Variants in ANKS1B observed in about 807,000 individuals in gnomAD.
ANKS1B encodes the protein ankyrin repeat and sterile alpha motif domain containing 1B, also known as ankyrin repeat and sterile alpha motif domain-containing protein 1B.
In ANKS1B, 36 loss-of-function variants were observed where a neutral mutation model predicts 148.3. That is an observed-to-expected ratio of 0.24 (90% CI 0.19 to 0.32). The LOEUF (loss-of-function observed/expected upper bound fraction) is 0.32. Ranked by LOEUF, ANKS1B falls within the 10% of genes least tolerant of loss-of-function variation. ANKS1B has a pLI of 1.00. For missense variants in ANKS1B, 1,157 were observed against 1,542.6 expected, an observed-to-expected ratio of 0.75 and a Z score of 4.19; for synonymous variants, 542 against 560.8, an observed-to-expected ratio of 0.97 and a Z score of 0.47.
intron 2 of ANKS1B, among the ~76,000 whole-genome samples, chr12:99,815,525 T>A (rs1054330547): frequency 6.6e-6 from 1 of 151,858 alleles, no homozygotes; most frequent in East Asian, 1.9e-4. Flanking sequence ...GGGACACAGG[T>A]GGTTTTTGGT....
intron 17 of ANKS1B, among the ~76,000 whole-genome samples, chr12:98,931,945 T>C (rs1405861127): frequency 6.6e-6 from 1 of 152,180 alleles, no homozygotes; most frequent in Non-Finnish European, 1.5e-5. Flanking sequence ...ACCTGTGCAT[T>C]TGATCTTAAC....
At chr12:99,868,476 A>G (rs2091045250) in intron 1 of ANKS1B, among the ~76,000 whole-genome samples, 1 of 152,196 alleles carries the variant, frequency 6.6e-6, no homozygotes, top group Non-Finnish European at 1.5e-5. Flanking sequence ...TGGAGATCCT[A>G]GGCAGTGCAA....
At chr12:99,864,014 G>A (rs2090401022) in intron 1 of ANKS1B, among the ~76,000 whole-genome samples, 1 of 148,904 alleles carries the variant, frequency 6.7e-6, no homozygotes, top group Non-Finnish European at 1.5e-5. Flanking sequence ...GGTTGAGTTG[G>A]AGGTTGCAGT....
At chr12:99,559,444 T>G (rs2097310282) in intron 9 of ANKS1B, among the ~76,000 whole-genome samples, 1 of 152,200 alleles carries the variant, frequency 6.6e-6, no homozygotes, top group Non-Finnish European at 1.5e-5. Flanking sequence ...TTCACATAAA[T>G]TCAAGTATTT....
At chr12:99,903,395 G>A (rs113871994) in intron 1 of ANKS1B, among the ~76,000 whole-genome samples, 8,715 of 152,214 alleles carry the variant, frequency 0.057, 361 homozygotes, top group Middle Eastern at 0.085. Context: ...CTCTTCAGTA[G>A]GGACCCTGTA....
At chr12:99,324,713 AC>A (rs1180461761) in intron 12 of ANKS1B, among the ~76,000 whole-genome samples, 1 of 152,154 alleles carries the variant, frequency 6.6e-6, no homozygotes, top group Non-Finnish European at 1.5e-5. Context: ...TTCATTCTTG[AC>A]TATGAAGAGG....
At chr12:99,020,574 T>C (rs2099945184) in intron 17 of ANKS1B, among the ~76,000 whole-genome samples, 1 of 152,150 alleles carries the variant, frequency 6.6e-6, no homozygotes. Context: ...ATTGCAGTTG[T>C]AATATTTTTC....
chr12:99,845,298 T>C (rs11608592), intron 1 of ANKS1B, among the ~76,000 whole-genome samples: 12,444 of 152,264 alleles, frequency 0.082, 720 homozygotes, highest in Non-Finnish European at 0.12. Flanking sequence ...ATCTTTGTCT[T>C]GTGCTGGTTT....
At chr12:99,327,416 ATAT>A (rs200627004) in intron 12 of ANKS1B, among the ~76,000 whole-genome samples, 108 of 127,190 alleles carry the variant, frequency 8.5e-4, no homozygotes, top group Non-Finnish European at 1.5e-3. Flanking sequence ...ATATAATTAT[ATAT>A]TATATTGTCT....
intron 17 of ANKS1B, among the ~76,000 whole-genome samples, chr12:98,938,187 A>C (rs1363287006): frequency 6.6e-6 from 1 of 152,214 alleles, no homozygotes; most frequent in Non-Finnish European, 1.5e-5. Flanking sequence ...TTAGCTATGC[A>C]AATAGCAAAT....
intron 25 of ANKS1B, among the ~76,000 whole-genome samples, chr12:98,762,008 G>C (rs565995892): frequency 2.8e-4 from 42 of 152,318 alleles, no homozygotes; most frequent in African/African-American, 9.6e-4. Flanking sequence ...GAGAGCTGCA[G>C]GCCCAGACAG....
At chr12:99,315,059 A>G (rs1237798507) in intron 12 of ANKS1B, among the ~76,000 whole-genome samples, 1 of 152,048 alleles carries the variant, frequency 6.6e-6, no homozygotes, top group African/African-American at 2.4e-5. Flanking sequence ...CCTGGCCAAC[A>G]TGGTGAAACC....
chr12:98,746,895 C>T lies in ANKS1B; in HGVS notation c.3748-1046G>A, dbSNP rs142101096. Among the ~76,000 whole-genome samples, 319 of 152,302 alleles carry T rather than the reference C, an allele frequency of 2.1e-3. 2 individuals carry two copies. Among genetic ancestry groups the T allele is most frequent in the African/African-American group, 6.9e-3 (288 of 41,550 alleles). On this transcript the variant is annotated intron_variant, in intron 26 of 26. Transcript: ENST00000683438. ...ACAGAATGAAACACAGCCTCATCTT[C>T]CACTATATACAGAAATCAACTCAAA...
intron 8 of ANKS1B, among the ~76,000 whole-genome samples, chr12:99,751,033 A>T (rs889590583): frequency 6.6e-6 from 1 of 152,036 alleles, no homozygotes; most frequent in African/African-American, 2.4e-5. Flanking sequence ...TAATATCCCT[A>T]GAACTCAGTA....
intron 17 of ANKS1B, among the ~76,000 whole-genome samples, chr12:98,876,167 C>T (rs1358144311): frequency 6.6e-6 from 1 of 152,200 alleles, no homozygotes; most frequent in African/African-American, 2.4e-5. Context: ...TGATGTCTAA[C>T]AGCCTCATGT....
intron 9 of ANKS1B, among the ~76,000 whole-genome samples, chr12:99,551,170 CAG>C (rs1228708928): frequency 6.6e-6 from 1 of 152,168 alleles, no homozygotes; most frequent in Non-Finnish European, 1.5e-5. Context: ...ACCTAAAACA[CAG>C]AGTCTCTGAT....
At chr12:99,535,933 C>T (rs1002127446) in intron 9 of ANKS1B, among the ~76,000 whole-genome samples, 2 of 152,140 alleles carry the variant, frequency 1.3e-5, no homozygotes, top group African/African-American at 2.4e-5. Context: ...GCTCTAATCC[C>T]ATTTCCATCT....
chr12:99,690,934 C>G (rs1447302460), intron 8 of ANKS1B, among the ~76,000 whole-genome samples: 2 of 152,174 alleles, frequency 1.3e-5, no homozygotes, highest in Non-Finnish European at 2.9e-5. Flanking sequence ...GGGCTCTGCC[C>G]CTGTAGCAAA....
At chr12:98,896,445 A>G (rs148179515) in intron 17 of ANKS1B, among the ~76,000 whole-genome samples, 235 of 152,356 alleles carry the variant, frequency 1.5e-3, no homozygotes, top group African/African-American at 5.5e-3. Flanking sequence ...ACAGATTAAA[A>G]AAAAGGCTTA....
Sources: gnomAD v4.1 joint callset for allele counts (sites outside exome capture counted in the v4.1 genomes callset) on GRCh38, gnomAD v4.1.1 for gene constraint, MANE v1.5 for transcripts, NCBI Gene and HGNC (gene_info 2026-07-23, HGNC 2026-07-21) for gene names.